TCF12: variants seen among roughly 807,000 people sequenced by gnomAD.
TCF12 encodes DNA-binding protein HTF4.
A neutral mutation model predicts 86.0 loss-of-function variants in TCF12; 45 were observed. The ratio of observed to expected loss-of-function variants is 0.52; its 90% CI spans 0.41 to 0.67. The LOEUF (loss-of-function observed/expected upper bound fraction) is 0.67, where lower values mean the gene tolerates loss of function less well. TCF12 is among the 30% of genes least tolerant of loss of function. The pLI is 0.00. For missense variants in TCF12, 881 were observed against 859.9 expected (o/e 1.02, Z -0.31); for synonymous variants, 330 against 299.6 (o/e 1.10, Z -1.05).
chr15:57,270,569 C>G (rs576671895), intron 18 of TCF12, among the ~76,000 whole-genome samples: 1 of 152,182 alleles, frequency 6.6e-6, no homozygotes, highest in South Asian at 2.1e-4. Flanking sequence ...TCTGTCAACT[C>G]ATCAAACTCA....
chr15:57,133,317 C>T (rs569579942), intron 5 of TCF12, among the ~76,000 whole-genome samples: 5 of 152,196 alleles, frequency 3.3e-5, no homozygotes, highest in African/African-American at 4.8e-5. Flanking sequence ...TTGCCTCACT[C>T]GAAACAACCC....
intron 5 of TCF12, among the ~76,000 whole-genome samples, chr15:57,116,154 G>C (rs1319036371): frequency 6.6e-6 from 1 of 152,114 alleles, no homozygotes; most frequent in Non-Finnish European, 1.5e-5. Flanking sequence ...ACTATCAGTA[G>C]TGATAGGGAA....
At chr15:57,035,815 C>A (rs1230578796) in intron 3 of TCF12, among the ~76,000 whole-genome samples, 2 of 152,152 alleles carry the variant, frequency 1.3e-5, no homozygotes, top group African/African-American at 4.8e-5. Context: ...GGTCCCCAAA[C>A]CCCTGGGCAC....
intron 3 of TCF12, among the ~76,000 whole-genome samples, chr15:56,957,506 G>A (rs928261412): frequency 6.6e-6 from 1 of 152,030 alleles, no homozygotes; most frequent in African/African-American, 2.4e-5. Flanking sequence ...CATTAATCCT[G>A]TTCAGTGTAC....
At chr15:57,048,002 T>C (rs2141532618) in intron 3 of TCF12, among the ~76,000 whole-genome samples, 2 of 150,996 alleles carry the variant, frequency 1.3e-5, no homozygotes, top group East Asian at 3.9e-4. Flanking sequence ...ATAGAAAAGG[T>C]ACAATAAAAA....
At chr15:57,044,090 T>C (rs1335981847) in intron 3 of TCF12, among the ~76,000 whole-genome samples, 1 of 152,156 alleles carries the variant, frequency 6.6e-6, no homozygotes, top group Non-Finnish European at 1.5e-5. Flanking sequence ...AGAAACAGTT[T>C]TTGAATTAAA....
chr15:57,125,675 C>T (rs1174367339), intron 5 of TCF12, among the ~76,000 whole-genome samples: 1 of 152,152 alleles, frequency 6.6e-6, no homozygotes, highest in Non-Finnish European at 1.5e-5. Flanking sequence ...GTGAATTTAA[C>T]ATTAATACTT....
chr15:57,214,641 G>C (rs1295178767), intron 8 of TCF12, among the ~76,000 whole-genome samples: 1 of 152,100 alleles, frequency 6.6e-6, no homozygotes, highest in Non-Finnish European at 1.5e-5. Flanking sequence ...ATGAATTTTA[G>C]CATGTGTCTT....
At chr15:57,021,765 C>T (rs1276244339) in intron 3 of TCF12, among the ~76,000 whole-genome samples, 1 of 150,634 alleles carries the variant, frequency 6.6e-6, no homozygotes, top group African/African-American at 2.5e-5. Flanking sequence ...TTCAACCAAG[C>T]GTGAATCGAA....
At chr15:57,178,458 G>C (rs1348103132) in intron 6 of TCF12, among the ~76,000 whole-genome samples, 1 of 152,118 alleles carries the variant, frequency 6.6e-6, no homozygotes, top group Non-Finnish European at 1.5e-5. Context: ...ATACTTAGTT[G>C]CTCCATGTTA....
intron 3 of TCF12, among the ~76,000 whole-genome samples, chr15:56,966,288 G>A (rs2061998149): frequency 6.6e-6 from 1 of 151,860 alleles, no homozygotes; most frequent in Non-Finnish European, 1.5e-5. Flanking sequence ...TAATTTCAAT[G>A]GCAAAAAAGC....
At chr15:56,936,012 AT>A (rs2060455440) in intron 3 of TCF12, among the ~76,000 whole-genome samples, 1 of 152,190 alleles carries the variant, frequency 6.6e-6, no homozygotes, top group Non-Finnish European at 1.5e-5. Context: ...ATACCCAATA[AT>A]GGGATTGCTG....
Position 57,252,488 on chromosome 15 carries a change from G to A in TCF12, c.1256G>A (p.Cys419Tyr). Residue 419 changes from cysteine to tyrosine, a missense_variant, in exon 15 of 21, where the codon TGT becomes TAT. By Grantham distance (194) the Cys-to-Tyr change is radical (BLOSUM62 -2). Coordinates refer to ENST00000333725, the MANE Select transcript of TCF12 (RefSeq NM_207037.2). ...QDAMSFLKDV[C>Y]EQSRMEDRLD... ...GCAATGTCCTTCTTAAAGGATGTCT[G>A]TGAGGTACTATTTCTTTTAGATGGT... 6.2e-7 allele frequency: 1 copy of A among 1,613,482 alleles called. No individual in the cohort carries two copies. The highest frequency in any genetic ancestry group is 8.5e-7 in the Non-Finnish European group (1 of 1,179,578).
intron 3 of TCF12, among the ~76,000 whole-genome samples, chr15:57,060,159 G>C (rs1234716259): frequency 2.6e-5 from 4 of 152,120 alleles, no homozygotes; most frequent in Non-Finnish European, 4.4e-5. Flanking sequence ...GGAACTGCCT[G>C]TATATATAGT....
At chr15:57,222,065 T>G (rs1368542230) in intron 8 of TCF12, among the ~76,000 whole-genome samples, 1 of 152,034 alleles carries the variant, frequency 6.6e-6, no homozygotes, top group Non-Finnish European at 1.5e-5. Context: ...AATCTCATTT[T>G]ATAGATTTAT....
chr15:57,093,402 T>G (rs1332443744), intron 5 of TCF12, among the ~76,000 whole-genome samples: 1 of 152,202 alleles, frequency 6.6e-6, no homozygotes, highest in African/African-American at 2.4e-5. Flanking sequence ...AAACTAAGCT[T>G]TCTTAATTGA....
chr15:57,156,711 T>C (rs536824744), intron 5 of TCF12, among the ~76,000 whole-genome samples: 1 of 152,348 alleles, frequency 6.6e-6, no homozygotes, highest in South Asian at 2.1e-4. Context: ...CAGTGTTCTC[T>C]GAACAAGTGG....
chr15:57,166,252 G>A, intron 5 of TCF12, 150 bp from the exon 6 acceptor site: 1 of 616,684 alleles, frequency 1.6e-6, no homozygotes. Context: ...GTGATAGCAA[G>A]TTTTACAAAT....
chr15:57,226,203 C>T lies in TCF12; in HGVS notation c.580-4949C>T, dbSNP rs1326163754. Among the ~76,000 whole-genome samples, 7 of 148,694 alleles carry T rather than the reference C, an allele frequency of 4.7e-5. No homozygotes were observed. In the East Asian group the frequency reaches 1.4e-3, roughly 29 times the overall value. On this transcript the variant is annotated intron_variant, in intron 8 of 20. Coordinates refer to ENST00000333725, the MANE Select transcript of TCF12 (RefSeq NM_207037.2). ...ATTCTTTTATTAATATTTCATTGACCTAGACTTTTTTTTTTTTTCTCAAGG... is the reference window on the plus strand; with the variant it reads ...ATTCTTTTATTAATATTTCATTGACTTAGACTTTTTTTTTTTTTCTCAAGG...
Sources: allele counts gnomAD v4.1 joint callset (sites outside exome capture counted in the v4.1 genomes callset), GRCh38; gene constraint gnomAD v4.1.1; transcripts MANE v1.5; gene names NCBI Gene and HGNC (gene_info 2026-07-23, HGNC 2026-07-21).